Variants in HS6ST3 observed in about 807,000 individuals in gnomAD.
HS6ST3 encodes heparan sulfate 6-O-sulfotransferase 3, also known as heparan-sulfate 6-O-sulfotransferase 3.
A neutral mutation model predicts 36.7 loss-of-function variants in HS6ST3; 12 were observed. The ratio of observed to expected loss-of-function variants is 0.33; its 90% confidence interval spans 0.21 to 0.53. The LOEUF is 0.53. Among genes scored for constraint, HS6ST3 ranks in the 20% least tolerant of loss-of-function variants. HS6ST3 has a pLI of 0.95. For missense variants in HS6ST3, 584 were observed against 640.9 expected (o/e 0.91, Z 0.96); for synonymous variants, 240 against 257.5 (o/e 0.93, Z 0.65).
chr13:96,756,904 A>G (rs1470354917), intron 1 of HS6ST3, among the ~76,000 whole-genome samples: 1 of 152,218 alleles, frequency 6.6e-6, no homozygotes. Context: ...ACTGCAATTC[A>G]GTGGCTTAAA....
intron 1 of HS6ST3, among the ~76,000 whole-genome samples, chr13:96,631,612 CAT>C (rs1456832571): frequency 3.9e-5 from 6 of 152,220 alleles, no homozygotes; most frequent in African/African-American, 1.4e-4. Context: ...TGTATCATCT[CAT>C]AGTTATCTAC....
chr13:96,431,508 A>G (rs1296753201), intron 1 of HS6ST3, among the ~76,000 whole-genome samples: 1 of 152,180 alleles, frequency 6.6e-6, no homozygotes, highest in African/African-American at 2.4e-5. Flanking sequence ...CTGAATTACA[A>G]AAACAAAGGA....
At chr13:96,122,036 A>G (rs1283867478) in intron 1 of HS6ST3, among the ~76,000 whole-genome samples, 1 of 151,828 alleles carries the variant, frequency 6.6e-6, no homozygotes, top group Non-Finnish European at 1.5e-5. Flanking sequence ...ATTTAGACGC[A>G]ATTCCTCTGA....
chr13:96,730,721 C>T (rs1876129665), intron 1 of HS6ST3, among the ~76,000 whole-genome samples: 1 of 151,510 alleles, frequency 6.6e-6, no homozygotes, highest in South Asian at 2.1e-4. Context: ...ACACAGGCCA[C>T]CAAACTTAGC....
intron 1 of HS6ST3, among the ~76,000 whole-genome samples, chr13:96,333,803 A>G (rs11619600): frequency 0.084 from 12,719 of 152,228 alleles, 580 homozygotes; most frequent in Middle Eastern, 0.12. Context: ...TACAGCTCCA[A>G]TTGAAAGAAG....
intron 1 of HS6ST3, among the ~76,000 whole-genome samples, chr13:96,750,770 A>G (rs1876682606): frequency 6.6e-6 from 1 of 152,224 alleles, no homozygotes. Context: ...AAACTGAAAT[A>G]TCATTAGCTT....
At chr13:96,742,028 T>C (rs1171878811) in intron 1 of HS6ST3, among the ~76,000 whole-genome samples, 1 of 152,162 alleles carries the variant, frequency 6.6e-6, no homozygotes, top group Non-Finnish European at 1.5e-5. Flanking sequence ...CTTTGTCATC[T>C]TTAAAGTTAT....
At chr13:96,779,333 A>G (rs1877470428) in intron 1 of HS6ST3, among the ~76,000 whole-genome samples, 1 of 151,260 alleles carries the variant, frequency 6.6e-6, no homozygotes. Flanking sequence ...AATAATAATA[A>G]TAATAATAAT....
At chr13:96,556,027 G>C (rs1028419177) in intron 1 of HS6ST3, among the ~76,000 whole-genome samples, 1 of 152,128 alleles carries the variant, frequency 6.6e-6, no homozygotes, top group Admixed American at 6.6e-5. Context: ...ATTGTATCTT[G>C]ATCTCCCGTG....
intron 1 of HS6ST3, among the ~76,000 whole-genome samples, chr13:96,241,499 A>G (rs1020037030): frequency 6.6e-6 from 1 of 152,014 alleles, no homozygotes; most frequent in Non-Finnish European, 1.5e-5. Context: ...TTGTCAAAAT[A>G]CAAAATATGT....
At chr13:96,565,902 A>T (rs2056279315) in intron 1 of HS6ST3, among the ~76,000 whole-genome samples, 2 of 152,210 alleles carry the variant, frequency 1.3e-5, no homozygotes, top group African/African-American at 4.8e-5. Context: ...CCATGAAATT[A>T]TAAAAATAAA....
chr13:96,162,956 A>G (rs2054142753), intron 1 of HS6ST3, among the ~76,000 whole-genome samples: 1 of 152,208 alleles, frequency 6.6e-6, no homozygotes, highest in East Asian at 1.9e-4. Flanking sequence ...CTAAATTATG[A>G]TGGCTACTAA....
At chr13:96,146,219 G>A (rs1269256236) in intron 1 of HS6ST3, among the ~76,000 whole-genome samples, 3 of 152,140 alleles carry the variant, frequency 2.0e-5, no homozygotes, top group South Asian at 4.1e-4. Flanking sequence ...GATGGGGATG[G>A]CACTGAATCT....
intron 1 of HS6ST3, among the ~76,000 whole-genome samples, chr13:96,770,940 A>C (rs1481050054): frequency 6.6e-6 from 1 of 152,200 alleles, no homozygotes; most frequent in African/African-American, 2.4e-5. Context: ...GGAAAGCAGG[A>C]GGCCTCTTTT....
At chr13:96,719,563 T>C (rs938661122) in intron 1 of HS6ST3, among the ~76,000 whole-genome samples, 3 of 152,204 alleles carry the variant, frequency 2.0e-5, no homozygotes, top group African/African-American at 7.2e-5. Flanking sequence ...GTATTGGTGA[T>C]ATGTGGTTTG....
At chr13:96,184,608 C>G (rs1443831575) in intron 1 of HS6ST3, among the ~76,000 whole-genome samples, 2 of 152,008 alleles carry the variant, frequency 1.3e-5, no homozygotes, top group African/African-American at 2.4e-5. Context: ...TCCTGGTTCT[C>G]TTTCTGCTTG....
At chr13:96,606,252 CA>C (rs1225411884) in intron 1 of HS6ST3, among the ~76,000 whole-genome samples, 2 of 152,030 alleles carry the variant, frequency 1.3e-5, no homozygotes, top group Non-Finnish European at 2.9e-5. Flanking sequence ...ATAGCTCTAC[CA>C]AAAAGACACA....
At chr13:96,382,942 T>G (rs1036934844) in intron 1 of HS6ST3, among the ~76,000 whole-genome samples, 1 of 152,226 alleles carries the variant, frequency 6.6e-6, no homozygotes, top group East Asian at 1.9e-4. Context: ...CATGCACATA[T>G]GTAAAATATT....
At chr13:96,438,808 G>A (rs960326806) in intron 1 of HS6ST3, among the ~76,000 whole-genome samples, 23 of 152,192 alleles carry the variant, frequency 1.5e-4, no homozygotes, top group African/African-American at 2.4e-5. Context: ...GCTCATGCCT[G>A]TAATCCTGGC....
Sources: allele counts gnomAD v4.1 joint callset (sites outside exome capture counted in the v4.1 genomes callset), GRCh38; gene constraint gnomAD v4.1.1; transcripts MANE v1.5; gene names NCBI Gene and HGNC (gene_info 2026-07-23, HGNC 2026-07-21).